The following OR2L13 variants were observed in gnomAD, a reference collection of about 807,000 sequenced individuals.
The protein encoded by OR2L13 is olfactory receptor family 2 subfamily L member 13.
OR2L13 carries 14 observed loss-of-function variants against 15.3 expected under a neutral mutation model. That is an observed-to-expected ratio of 0.91 (90% CI 0.60 to 1.43). The LOEUF is 1.43. Ranked by LOEUF, OR2L13 falls within the 40% of genes most tolerant of loss-of-function variation. The probability of loss-of-function intolerance (pLI) is 0.00; values close to 1 mark genes in which losing one functional copy is unlikely to be tolerated. For synonymous variants in OR2L13, 152 were observed against 142.9 expected (o/e 1.06, Z -0.45); for missense variants, 367 against 387.9 (o/e 0.95, Z 0.45).
chr1:248,023,031 T>C, the OR2L13 span: 2 of 725,976 alleles, frequency 2.8e-6, no homozygotes, highest in East Asian at 5.5e-5. Flanking sequence ...CTTGACATTA[T>C]AGTTGCATAT....
chr1:247,982,024 C>T, the OR2L13 span, among the ~76,000 whole-genome samples: 1 of 152,098 alleles, frequency 6.6e-6, no homozygotes, highest in Non-Finnish European at 1.5e-5. Context: ...ACCGTGTTAG[C>T]CAGGATGGTC....
At chr1:248,082,353 G>A in the OR2L13 span, among the ~76,000 whole-genome samples, 4 of 862 alleles carry the variant, frequency 4.6e-3, 2 homozygotes, top group Non-Finnish European at 0.012. Context: ...GGGGTGGGGG[G>A]TGGGGGGAGG....
At chr1:247,986,609 C>A in the OR2L13 span, among the ~76,000 whole-genome samples, 1 of 152,010 alleles carries the variant, frequency 6.6e-6, no homozygotes, top group Non-Finnish European at 1.5e-5. Flanking sequence ...TTTTTTGGTT[C>A]CATATGAACT....
the OR2L13 span, among the ~76,000 whole-genome samples, chr1:248,010,453 G>C: frequency 1.4e-4 from 22 of 152,254 alleles, 1 homozygote; most frequent in Middle Eastern, 3.4e-3. Flanking sequence ...GCTTGGTGCA[G>C]AGCTGAGCTC....
chr1:247,977,742 A>G, the OR2L13 span, among the ~76,000 whole-genome samples: 1 of 152,116 alleles, frequency 6.6e-6, no homozygotes, highest in Admixed American at 6.5e-5. Context: ...ATCATCTTTA[A>G]TTTTAGGAAA....
the OR2L13 span, among the ~76,000 whole-genome samples, chr1:248,063,989 G>A: frequency 4.6e-5 from 7 of 152,160 alleles, no homozygotes; most frequent in African/African-American, 9.7e-5. Context: ...TGATAACAGC[G>A]GAGCATGAAA....
At chr1:247,956,371 G>A in the OR2L13 span, among the ~76,000 whole-genome samples, 1 of 151,436 alleles carries the variant, frequency 6.6e-6, no homozygotes, top group African/African-American at 2.4e-5. Flanking sequence ...TTGAAGTCAG[G>A]TAGCGTGATG....
the OR2L13 span, among the ~76,000 whole-genome samples, chr1:247,958,853 T>G: frequency 1.3e-5 from 2 of 152,016 alleles, no homozygotes; most frequent in Admixed American, 1.3e-4. Flanking sequence ...CGTGAGATGG[T>G]TTTCCTGAAT....
At chr1:247,964,752 C>A in the OR2L13 span, among the ~76,000 whole-genome samples, 1 of 150,962 alleles carries the variant, frequency 6.6e-6, no homozygotes, top group East Asian at 1.9e-4. Context: ...AAACTTTTAT[C>A]TTTTTTATAA....
chr1:248,074,152 T>C, the OR2L13 span, among the ~76,000 whole-genome samples: 1 of 152,078 alleles, frequency 6.6e-6, no homozygotes, highest in Non-Finnish European at 1.5e-5. Flanking sequence ...ATTAAAAACA[T>C]TTTGGCCACA....
chr1:247,990,147 T>A, the OR2L13 span: 2 of 504,164 alleles, frequency 4.0e-6, no homozygotes, highest in East Asian at 3.8e-5. Context: ...GGGTTCAGTG[T>A]AAACCCCAAT....
the OR2L13 span, chr1:247,975,530 A>T: frequency 2.7e-6 from 3 of 1,117,464 alleles, no homozygotes; most frequent in East Asian, 2.4e-5. Context: ...CCAACAGAGG[A>T]CAAGGTTCTG....
chr1:247,971,388 T>C, the OR2L13 span, among the ~76,000 whole-genome samples: 3 of 152,284 alleles, frequency 2.0e-5, no homozygotes, highest in Admixed American at 6.5e-5. Context: ...GAGGCATTTA[T>C]CCTGAGCCTG....
At chr1:248,022,698 T>C in the OR2L13 span, 2,144 of 1,614,196 alleles carry the variant, frequency 1.3e-3, 46 homozygotes, top group East Asian at 0.042. Flanking sequence ...AACTTTCTAC[T>C]ATGCACCCTT....
chr1:248,068,144 T>C, the OR2L13 span, among the ~76,000 whole-genome samples: 2 of 152,162 alleles, frequency 1.3e-5, no homozygotes, highest in African/African-American at 4.8e-5. Flanking sequence ...AAGAGAGCAG[T>C]GGTTCTCCCA....
the OR2L13 span, among the ~76,000 whole-genome samples, chr1:248,018,343 G>A: frequency 6.6e-6 from 1 of 152,076 alleles, no homozygotes; most frequent in Non-Finnish European, 1.5e-5. Context: ...AAATACAAAT[G>A]ATAGAAATGT....
chr1:248,000,233 T>C, the OR2L13 span, among the ~76,000 whole-genome samples: 2 of 151,840 alleles, frequency 1.3e-5, no homozygotes, highest in African/African-American at 4.8e-5. Context: ...TTCTGTTTGA[T>C]CAAAGCTGAG....
At chr1:248,010,136 A>G in the OR2L13 span, among the ~76,000 whole-genome samples, 1 of 152,154 alleles carries the variant, frequency 6.6e-6, no homozygotes, top group Non-Finnish European at 1.5e-5. Context: ...CACCACTCCT[A>G]TTCTGCATAG....
chr1:248,088,766 T>C, the OR2L13 span, among the ~76,000 whole-genome samples: 2 of 152,178 alleles, frequency 1.3e-5, no homozygotes, highest in African/African-American at 4.8e-5. Flanking sequence ...CCATTTACCA[T>C]AAATTACAGC....
Sources: allele counts gnomAD v4.1 joint callset (sites outside exome capture counted in the v4.1 genomes callset), GRCh38; gene constraint gnomAD v4.1.1; transcripts MANE v1.5; gene names NCBI Gene and HGNC (gene_info 2026-07-23, HGNC 2026-07-21).